Variants in CHRM5 observed in about 807,000 individuals in gnomAD.
The protein encoded by CHRM5 is cholinergic receptor muscarinic 5.
CHRM5 carries 18 observed loss-of-function variants against 39.0 expected under a neutral mutation model. The observed-to-expected ratio is 0.46, with a 90% confidence interval of 0.32 to 0.68. The LOEUF (loss-of-function observed/expected upper bound fraction) is 0.68, where lower values mean the gene tolerates loss of function less well. Ranked by LOEUF, CHRM5 falls within the 30% of genes least tolerant of loss-of-function variation. CHRM5 has a pLI of 0.04. For missense variants in CHRM5, 515 were observed against 651.1 expected, an observed-to-expected ratio of 0.79 and a Z score of 2.28; for synonymous variants, 241 against 246.3, an observed-to-expected ratio of 0.98 and a Z score of 0.20.
Position 34,063,771 on chromosome 15 carries a change from GA to G in CHRM5, c.1060del (p.Ser354ValfsTer32). 6.2e-7 allele frequency: 1 copy of G among 1,614,142 alleles called. No individual in the cohort carries two copies. The highest frequency in any genetic ancestry group is 1.7e-5 in the Admixed American group (1 of 59,992). On this transcript the variant is annotated frameshift_variant, in exon 3 of 3. Transcript: ENST00000383263. LOFTEE classifies it high-confidence loss of function. This position sits in a 1 kb window ranked among gnomAD's most constrained non-coding sequence, Gnocchi z 4.1. ...TEETFVKAETEKSDYDTPNYL... is the reference protein window; with the variant it reads ...TEETFVKAETXKSDYDTPNYL... ...GGAAACTTTTGTGAAAGCTGAAACTGAAAAAAGTGACTATGACACCCCAAAC... is the reference window on the plus strand; with the variant it reads ...GGAAACTTTTGTGAAAGCTGAAACTGAAAAAGTGACTATGACACCCCAAAC...
At position 33,982,421 on chromosome 15, in the gene CHRM5, GA is replaced by G. The variant is rs201345915; in HGVS notation, c.-408+13278del. Among the ~76,000 whole-genome samples, 433 of 151,944 alleles carry G rather than the reference GA, an allele frequency of 2.8e-3. 2 individuals carry two copies. Among genetic ancestry groups the G allele is most frequent in the African/African-American group, 9.7e-3 (404 of 41,444 alleles). On this transcript the variant is annotated intron_variant, in intron 1 of 2. Transcript: ENST00000383263. Reference sequence around the variant, plus strand: ...CTGCCAAAAATAAAAATTAAAAAAGGAAAAAAATAAATGGAAGTATTTCTGA... The same window carrying G: ...CTGCCAAAAATAAAAATTAAAAAAGGAAAAAATAAATGGAAGTATTTCTGA...
chr15:34,054,160 T>A, intron 2 of CHRM5, among the ~76,000 whole-genome samples: 1 of 152,102 alleles, frequency 6.6e-6, no homozygotes, highest in East Asian at 1.9e-4. Flanking sequence ...ATGACTATTA[T>A]TAAAACTCGA....
At chr15:33,987,154 T>C (rs1567450781) in intron 1 of CHRM5, among the ~76,000 whole-genome samples, 1 of 152,226 alleles carries the variant, frequency 6.6e-6, no homozygotes. Flanking sequence ...CAGTGCAGTA[T>C]TCTCACAACA....
chr15:34,047,073 G>GT (rs56218206), intron 2 of CHRM5, among the ~76,000 whole-genome samples: 5,113 of 145,154 alleles, frequency 0.035, 296 homozygotes, highest in African/African-American at 0.12. Context: ...TTTTTTGTTG[G>GT]TTTTTTTTTT....
chr15:34,063,010 T>C lies in CHRM5; in HGVS notation c.293T>C (p.Leu98Pro), dbSNP rs748975974. ...TTYILMGRWALGSLACDLWLA... is the reference protein window; with the variant it reads ...TTYILMGRWAPGSLACDLWLA... Reference sequence around the variant, plus strand: ...TACATCCTCATGGGACGCTGGGCTCTCGGGAGTCTGGCTTGTGACCTTTGG... The same window carrying C: ...TACATCCTCATGGGACGCTGGGCTCCCGGGAGTCTGGCTTGTGACCTTTGG... Residue 98 changes from leucine to proline, a missense_variant, in exon 3 of 3, where the codon CTC becomes CCC. Leu to Pro is a moderately conservative substitution (Grantham distance 98). Transcript: ENST00000383263. This position sits in a 1 kb window ranked among gnomAD's most constrained non-coding sequence, Gnocchi z 4.1. The C allele has an allele frequency of 6.2e-7, 1 of 1,614,122 alleles. No individual in the cohort carries two copies. The highest frequency in any genetic ancestry group is 8.5e-7 in the Non-Finnish European group (1 of 1,180,040).
At chr15:33,970,318 A>G (rs145534471) in intron 1 of CHRM5, among the ~76,000 whole-genome samples, 36 of 152,090 alleles carry the variant, frequency 2.4e-4, no homozygotes, top group African/African-American at 7.5e-4. Context: ...CTTAAATATC[A>G]TAAGTCTTTT....
chr15:34,050,818 G>A (rs1448102893), intron 2 of CHRM5, among the ~76,000 whole-genome samples: 1 of 152,174 alleles, frequency 6.6e-6, no homozygotes, highest in Non-Finnish European at 1.5e-5. Flanking sequence ...AAATGTATAT[G>A]CACCCAATAC....
chr15:33,991,665 T>C (rs1236224606), intron 1 of CHRM5: 1 of 152,066 alleles, frequency 6.6e-6, no homozygotes, highest in Non-Finnish European at 1.5e-5. Context: ...ACTTTATCAG[T>C]AGAGCAAAAG....
In CHRM5 at chr15:34,045,702, A is replaced by G. The variant is rs1016500669; in HGVS notation, c.-407-838A>G. Among the ~76,000 whole-genome samples the G allele has an allele frequency of 9.2e-5, 13 of 141,424 alleles. No individual in the cohort carries two copies. The South Asian group carries it at 1.4e-3, about 15-fold the overall frequency. 92.8% of individuals were successfully genotyped at this position (141,424 alleles called of 152,430 possible). ...CAGGTTCAGGCATAAAGCTTCTCAT[A>G]AAAAAAAAAAGGTGTTTCAGAAAAC... is the stretch of plus-strand genomic sequence containing the variant. On this transcript the variant is annotated intron_variant, in intron 1 of 2. Transcript: ENST00000383263.
intron 1 of CHRM5, among the ~76,000 whole-genome samples, chr15:34,026,269 T>C (rs561541856): frequency 2.6e-5 from 4 of 152,314 alleles, no homozygotes; most frequent in East Asian, 3.9e-4. Context: ...TGGTTATTTC[T>C]GGATGATGAT....
intron 1 of CHRM5, among the ~76,000 whole-genome samples, chr15:34,013,962 A>C (rs893594022): frequency 1.3e-5 from 2 of 152,178 alleles, no homozygotes; most frequent in Non-Finnish European, 2.9e-5. Context: ...GAGGGAACTC[A>C]CATTATCCCC....
At chr15:34,009,608 A>G (rs956422072) in intron 1 of CHRM5, among the ~76,000 whole-genome samples, 2 of 152,350 alleles carry the variant, frequency 1.3e-5, no homozygotes, top group Non-Finnish European at 2.9e-5. Flanking sequence ...GACTACATAA[A>G]TATCAGACAA....
rs1243668205 is a variant in CHRM5 at position 34,038,907 on chromosome 15, C to G, written c.-407-7633C>G. The G allele has an allele frequency of 1.1e-4, 120 of 1,118,924 alleles. No individual in the cohort carries two copies. The East Asian group carries it at 6.2e-3, about 57-fold the overall frequency. The allele number at this position is 1,118,924 out of a possible 1,614,324, so 69.3% of individuals were successfully genotyped here. A position where few individuals can be genotyped will look rare whatever the true frequency, so the allele number is the denominator to read the frequency against. On this transcript the variant is annotated intron_variant, in intron 1 of 2. Transcript: ENST00000383263. ...ACGGCCACGGCCCCGGCGTCCGCCT[C>G]CGTCCCCGCCGCCGCCTCCGCCGCC...
chr15:33,993,674 ATC>A (rs1896819590), intron 1 of CHRM5, among the ~76,000 whole-genome samples: 1 of 152,164 alleles, frequency 6.6e-6, no homozygotes, highest in Non-Finnish European at 1.5e-5. Flanking sequence ...AATAACAATC[ATC>A]CAGGCCAGGA....
intron 1 of CHRM5, among the ~76,000 whole-genome samples, chr15:33,978,329 G>A (rs1895979391): frequency 6.6e-6 from 1 of 152,068 alleles, no homozygotes; most frequent in South Asian, 2.1e-4. Context: ...ACAGAGTGGG[G>A]GAGTACATTT....
chr15:34,010,949 A>G (rs78230162), intron 1 of CHRM5, among the ~76,000 whole-genome samples: 3,274 of 152,328 alleles, frequency 0.021, 112 homozygotes, highest in African/African-American at 0.073. Context: ...TTTTTTCACT[A>G]TTAAAAAACA....
At chr15:34,014,396 A>AAACC (rs1897786079) in intron 1 of CHRM5, among the ~76,000 whole-genome samples, 1 of 145,510 alleles carries the variant, frequency 6.9e-6, no homozygotes, top group Non-Finnish European at 1.5e-5. Context: ...AAAAACAAAA[A>AAACC]CCACGTTTGA....
intron 1 of CHRM5, chr15:34,038,912 C>A: frequency 2.7e-6 from 3 of 1,111,810 alleles, no homozygotes; most frequent in Non-Finnish European, 3.3e-6. Flanking sequence ...CGCCTCCGTC[C>A]CCGCCGCCGC....
At chr15:34,054,826 T>C (rs1226860642) in intron 2 of CHRM5, among the ~76,000 whole-genome samples, 1 of 152,206 alleles carries the variant, frequency 6.6e-6, no homozygotes, top group African/African-American at 2.4e-5. Context: ...CCTGCACATG[T>C]ATCCCTGAAC....
Sources: allele counts gnomAD v4.1 joint callset (sites outside exome capture counted in the v4.1 genomes callset), GRCh38; gene constraint gnomAD v4.1.1; non-coding constraint Gnocchi (gnomAD v3.1); transcripts MANE v1.5; gene names NCBI Gene and HGNC (gene_info 2026-07-23, HGNC 2026-07-21).